RBM33: variants seen among roughly 807,000 people sequenced by gnomAD.
RBM33 encodes the protein RNA-binding protein 33.
In RBM33, 28 loss-of-function variants were observed where a neutral mutation model predicts 132.6. The observed-to-expected ratio is 0.21, with a 90% confidence interval of 0.16 to 0.29. The LOEUF is 0.29. RBM33 is among the 10% of genes least tolerant of loss of function. The probability of loss-of-function intolerance (pLI) is 1.00; values close to 1 mark genes in which losing one functional copy is unlikely to be tolerated. For missense variants in RBM33, 1,291 were observed against 1,518.5 expected, an observed-to-expected ratio of 0.85 and a Z score of 2.49; for synonymous variants, 634 against 593.0, an observed-to-expected ratio of 1.07 and a Z score of -1.01.
Position 155,720,475 on chromosome 7 carries a change from G to A in RBM33, c.1260+2032G>A, listed in dbSNP as rs545442061. On this transcript the variant is annotated intron_variant, in intron 9 of 17. Transcript: ENST00000401878. ...TAGGCTACCTCTCGTTGTTTTACTTGTAAGCCAGATCTTCGTTGAGTAAAG... is the reference window on the plus strand; with the variant it reads ...TAGGCTACCTCTCGTTGTTTTACTTATAAGCCAGATCTTCGTTGAGTAAAG... Among the ~76,000 whole-genome samples, 78 of 152,276 alleles carry A rather than the reference G, an allele frequency of 5.1e-4. 1 individual carries two copies. Among genetic ancestry groups the A allele is most frequent in the African/African-American group, 1.8e-3 (74 of 41,568 alleles).
chr7:155,673,529 C>T lies in RBM33; in HGVS notation c.171+614C>T, dbSNP rs555963667. 2.4e-4 allele frequency among the ~76,000 whole-genome samples: 33 copies of T among 135,310 alleles called. 4 individuals are homozygous for T. In the South Asian group the frequency reaches 6.2e-3, roughly 25 times the overall value. 88.8% of individuals were successfully genotyped at this position (135,310 alleles called of 152,430 possible). On this transcript the variant is annotated intron_variant, in intron 3 of 17. Coordinates refer to ENST00000401878, the MANE Select transcript of RBM33 (RefSeq NM_053043.3). ...ACATACACACGTGTATATATATACACACATATATACATACACACGTGTATA... is the reference window on the plus strand; with the variant it reads ...ACATACACACGTGTATATATATACATACATATATACATACACACGTGTATA...
rs111847082 is a variant in RBM33 at position 155,662,716 on chromosome 7, A to C, written c.44-2459A>C. ...AGGGCAGGGGTTCTCTGGTTCCAGC[A>C]GTGTCTGTTCCATGAGTGGGACCTG... On this transcript the variant is annotated intron_variant, in intron 1 of 17. Coordinates refer to ENST00000401878, the MANE Select transcript of RBM33 (RefSeq NM_053043.3). 4.2e-3 allele frequency among the ~76,000 whole-genome samples: 642 copies of C among 151,640 alleles called. 9 individuals carry two copies. The highest frequency in any genetic ancestry group is 0.015 in the African/African-American group (618 of 41,442).
chr7:155,737,592 A>G lies in RBM33; in HGVS notation c.1323A>G (p.Pro441=). Reference sequence around the variant, plus strand: ...TTCCCAACAGTTTCAGCCAGCCCCCACGACTCCCTCTCCAGGACCAGTGGA... The same window carrying G: ...TTCCCAACAGTTTCAGCCAGCCCCCGCGACTCCCTCTCCAGGACCAGTGGA... ...GPVPNSFSQP[P]RLPLQDQWRA... Residue 441 remains proline, a synonymous_variant, in exon 10 of 18, where the codon CCA becomes CCG. Transcript: ENST00000401878. 6.2e-7 allele frequency: 1 copy of G among 1,612,886 alleles called. No individual in the cohort carries two copies.
At position 155,741,953 on chromosome 7, in the gene RBM33, C is replaced by T; in HGVS notation, c.2184C>T (p.Ala728=). The T allele has an allele frequency of 1.2e-6, 2 of 1,614,056 alleles. No individual in the cohort carries two copies. The highest frequency in any genetic ancestry group is 1.7e-6 in the Non-Finnish European group (2 of 1,179,898). The change falls in exon 13 of 18, where the codon GCC becomes GCT. Residue 728 remains alanine (A), a synonymous_variant. Coordinates refer to ENST00000401878, the MANE Select transcript of RBM33 (RefSeq NM_053043.3). Reference sequence around the variant, plus strand: ...AAATGAGCAGCAGCCGCTGCTCTGCCACGCCCTCAGCACAAGTGAAACCTA... The same window carrying T: ...AAATGAGCAGCAGCCGCTGCTCTGCTACGCCCTCAGCACAAGTGAAACCTA... ...VIEMSSSRCS[A]TPSAQVKPIV...
chr7:155,645,450 A>G (rs1021664629), intron 1 of RBM33, among the ~76,000 whole-genome samples: 1 of 152,262 alleles, frequency 6.6e-6, no homozygotes, highest in Non-Finnish European at 1.5e-5. Flanking sequence ...GAAAGTCTCA[A>G]TAAATCCCTG....
chr7:155,741,258 C>T (rs1293098870), intron 12 of RBM33, among the ~76,000 whole-genome samples: 1 of 151,618 alleles, frequency 6.6e-6, no homozygotes, highest in African/African-American at 2.4e-5. Context: ...TTCTCTTTGC[C>T]TCCTCCAGGT....
In RBM33 at chr7:155,781,307, G is replaced by A. The variant is rs1297469776; in HGVS notation, c.*6266G>A. 2.6e-5 allele frequency: 4 copies of A among 152,332 alleles called. No individual in the cohort carries two copies. The highest frequency in any genetic ancestry group is 2.1e-4 in the South Asian group (1 of 4,826). 9.4% of individuals were successfully genotyped at this position (152,332 alleles called of 1,614,324 possible). ...CCTGTTCCACCCCTTTGTTCACTTC[G>A]CGTTAACTGCTGTGGTAACTTTTTC... is the stretch of plus-strand genomic sequence containing the variant. On this transcript the variant is annotated 3_prime_UTR_variant, in exon 18 of 18. Coordinates refer to ENST00000401878, the MANE Select transcript of RBM33 (RefSeq NM_053043.3).
intron 14 of RBM33, among the ~76,000 whole-genome samples, chr7:155,758,920 G>T (rs1470946536): frequency 6.6e-6 from 1 of 152,086 alleles, no homozygotes; most frequent in Non-Finnish European, 1.5e-5. Flanking sequence ...GAGTCTGTCA[G>T]TCTGGGCCCA....
chr7:155,714,544 T>C (rs1246367791), intron 8 of RBM33, among the ~76,000 whole-genome samples: 1 of 152,124 alleles, frequency 6.6e-6, no homozygotes, highest in Non-Finnish European at 1.5e-5. Context: ...AGTGTGGTGC[T>C]GGGGCATGTC....
chr7:155,659,445 C>T (rs904649685), intron 1 of RBM33, among the ~76,000 whole-genome samples: 2 of 151,814 alleles, frequency 1.3e-5, no homozygotes, highest in Admixed American at 6.6e-5. Flanking sequence ...CTCAAAAGTA[C>T]AGTAGCTAAA....
At chr7:155,710,654 C>T (rs1800254902) in intron 7 of RBM33, among the ~76,000 whole-genome samples, 2 of 152,184 alleles carry the variant, frequency 1.3e-5, no homozygotes, top group Non-Finnish European at 2.9e-5. Flanking sequence ...GCACCTCTCT[C>T]TTCTTCATCA....
At position 155,673,625 on chromosome 7, in the gene RBM33, TACACACATATACATAC is replaced by T. The variant is rs1799036607; in HGVS notation, c.171+715_171+730del. Among the ~76,000 whole-genome samples, 5 of 29,984 alleles carry T rather than the reference TACACACATATACATAC, an allele frequency of 1.7e-4. 1 individual carries two copies. Among genetic ancestry groups the T allele is most frequent in the African/African-American group, 4.7e-4 (5 of 10,734 alleles). The allele number at this position is 29,984 out of a possible 152,430, so 19.7% of individuals were successfully genotyped here. On this transcript the variant is annotated intron_variant, in intron 3 of 17. Transcript: ENST00000401878. ...ATATACATACACACGTGTATATATA[TACACACATATACATAC>T]ACACGTGTATATATACACACATATA... is the stretch of plus-strand genomic sequence containing the variant.
At chr7:155,670,919 T>A (rs1182916784) in intron 2 of RBM33, among the ~76,000 whole-genome samples, 1 of 152,208 alleles carries the variant, frequency 6.6e-6, no homozygotes, top group East Asian at 1.9e-4. Flanking sequence ...TTATTAAAGG[T>A]TGATTTATTT....
chr7:155,728,601 T>A (rs1800861819), intron 9 of RBM33, among the ~76,000 whole-genome samples: 1 of 152,198 alleles, frequency 6.6e-6, no homozygotes, highest in Non-Finnish European at 1.5e-5. Flanking sequence ...TACTGATAAT[T>A]TCTTTTACTT....
Position 155,739,999 on chromosome 7 carries a change from G to C in RBM33, c.2022G>C (p.Gln674His). ...CTCAGGCCAGCAGCAGCCGGATGCA[G>C]TGCCCCCAGCGCCAGGGGCTCCGGC... ...AQPQASSSRM[Q>H]CPQRQGLRHN... is the part of the protein sequence containing the mutation. The change falls in exon 12 of 18, where the codon CAG becomes CAC. Residue 674 changes from glutamine (Q) to histidine (H), a missense_variant. This residue lies in a region of RBM33 where 841 missense variants were observed against 912.0 expected (regional missense o/e 0.92). Transcript: ENST00000401878. 6.4e-7 allele frequency: 1 copy of C among 1,561,254 alleles called. No homozygotes were observed. The highest frequency in any genetic ancestry group is 1.2e-5 in the South Asian group (1 of 84,172).
At chr7:155,691,755 C>G (rs1259499147) in intron 5 of RBM33, among the ~76,000 whole-genome samples, 1 of 152,054 alleles carries the variant, frequency 6.6e-6, no homozygotes, top group Non-Finnish European at 1.5e-5. Context: ...AAGAGAGCTA[C>G]TATAAAAAAT....
Position 155,673,940 on chromosome 7 carries a change from G to GTTGTT in RBM33, c.171+1027_171+1028insGTTTT. On this transcript the variant is annotated intron_variant, in intron 3 of 17. Coordinates refer to ENST00000401878, the MANE Select transcript of RBM33 (RefSeq NM_053043.3). ...TCATTATCAAGATAGTTTAGGCTTA[G>GTTGTT]TTTTTTTTTTTTTTTTTTTTTTTTT... 4.6e-4 allele frequency among the ~76,000 whole-genome samples: 25 copies of GTTGTT among 54,194 alleles called. 1 individual carries two copies. The highest frequency in any genetic ancestry group is 1.7e-3 in the African/African-American group (21 of 12,124). The allele number at this position is 54,194 out of a possible 152,430, so 35.6% of individuals were successfully genotyped here. A position where few individuals can be genotyped will look rare whatever the true frequency, so the allele number is the denominator to read the frequency against.
At chr7:155,667,900 T>G (rs1348892475) in intron 2 of RBM33, among the ~76,000 whole-genome samples, 1 of 152,178 alleles carries the variant, frequency 6.6e-6, no homozygotes, top group Non-Finnish European at 1.5e-5. Context: ...GTGAACCCAA[T>G]GTACCATCTT....
intron 1 of RBM33, among the ~76,000 whole-genome samples, chr7:155,654,511 AC>A: frequency 6.6e-6 from 1 of 151,854 alleles, no homozygotes; most frequent in Non-Finnish European, 1.5e-5. Context: ...TTTCTTTCTG[AC>A]TACTTCTCTC....
Sources: allele counts gnomAD v4.1 joint callset (sites outside exome capture counted in the v4.1 genomes callset), GRCh38; gene constraint gnomAD v4.1.1; regional missense constraint gnomAD v4.1.1; transcripts MANE v1.5; gene names NCBI Gene and HGNC (gene_info 2026-07-23, HGNC 2026-07-21).